SLC16A10: variants seen among roughly 807,000 people sequenced by gnomAD.
SLC16A10 encodes monocarboxylate transporter 10.
In SLC16A10, 27 loss-of-function variants were observed where a neutral mutation model predicts 40.0. That is an observed-to-expected ratio of 0.67 (90% confidence interval 0.50 to 0.93). The LOEUF is 0.93. SLC16A10 is among the 40% of genes least tolerant of loss of function. The pLI is 0.00. For missense variants in SLC16A10, 529 were observed against 658.2 expected, an observed-to-expected ratio of 0.80 and a Z score of 2.15; for synonymous variants, 213 against 249.8, an observed-to-expected ratio of 0.85 and a Z score of 1.39.
rs1373725178 is a variant in SLC16A10 at position 111,157,465 on chromosome 6, A to G, written c.344-15230A>G. 3.6e-4 allele frequency among the ~76,000 whole-genome samples: 54 copies of G among 151,890 alleles called. 1 individual carries two copies. Among genetic ancestry groups the G allele is most frequent in the Admixed American group, 3.5e-3 (54 of 15,224 alleles). Reference sequence around the variant, plus strand: ...CGCCCAGCTAATTTTTTGTATTTTTAGTAGAGATGGGTTTCATTATGTTGG... The same window carrying G: ...CGCCCAGCTAATTTTTTGTATTTTTGGTAGAGATGGGTTTCATTATGTTGG... On this transcript the variant is annotated intron_variant, in intron 1 of 5. Coordinates refer to ENST00000368851, the MANE Select transcript of SLC16A10 (RefSeq NM_018593.5).
intron 1 of SLC16A10, among the ~76,000 whole-genome samples, chr6:111,147,372 C>T (rs1297353523): frequency 6.6e-6 from 1 of 152,146 alleles, no homozygotes; most frequent in Non-Finnish European, 1.5e-5. Context: ...TTCTAGCATT[C>T]AGTGTTTATT....
chr6:111,199,065 C>T (rs959410054), intron 3 of SLC16A10, among the ~76,000 whole-genome samples: 7 of 152,198 alleles, frequency 4.6e-5, no homozygotes, highest in Admixed American at 2.6e-4. Context: ...AGCATAGACA[C>T]GGTCTGTTGT....
intron 1 of SLC16A10, among the ~76,000 whole-genome samples, chr6:111,113,890 G>A (rs1771437152): frequency 6.6e-6 from 1 of 152,120 alleles, no homozygotes; most frequent in Admixed American, 6.5e-5. Flanking sequence ...CCGGGTCTGA[G>A]GTCTCAGTGC....
At position 111,105,018 on chromosome 6, in the gene SLC16A10, A is replaced by G. The variant is rs575662200; in HGVS notation, c.343+16923A>G. 3.6e-4 allele frequency among the ~76,000 whole-genome samples: 54 copies of G among 152,036 alleles called. 1 individual carries two copies. The highest frequency in any genetic ancestry group is 6.9e-3 in the Middle Eastern group (2 of 290). Reference sequence around the variant, plus strand: ...TATTTTTACTATCCCTGTCTTAGGTATTTCCAAAACTTCGTCTTAAGACTT... The same window carrying G: ...TATTTTTACTATCCCTGTCTTAGGTGTTTCCAAAACTTCGTCTTAAGACTT... On this transcript the variant is annotated intron_variant, in intron 1 of 5. Coordinates refer to ENST00000368851, the MANE Select transcript of SLC16A10 (RefSeq NM_018593.5).
intron 1 of SLC16A10, among the ~76,000 whole-genome samples, chr6:111,167,574 C>T (rs912775321): frequency 4.6e-5 from 7 of 151,896 alleles, no homozygotes; most frequent in Admixed American, 3.9e-4. Context: ...TTAGGAAGTC[C>T]TCTGTGGGTG....
At chr6:111,135,515 C>T (rs192732443) in intron 1 of SLC16A10, among the ~76,000 whole-genome samples, 129 of 152,268 alleles carry the variant, frequency 8.5e-4, no homozygotes, top group African/African-American at 2.9e-3. Flanking sequence ...CCTTATATTC[C>T]GCTTTCCCAA....
At chr6:111,199,267 C>T (rs1205580088) in intron 3 of SLC16A10, among the ~76,000 whole-genome samples, 4 of 152,078 alleles carry the variant, frequency 2.6e-5, no homozygotes, top group Admixed American at 2.0e-4. Flanking sequence ...TGAGACCAGC[C>T]TGGGCAACAT....
chr6:111,202,566 T>G (rs1371831205), intron 3 of SLC16A10, among the ~76,000 whole-genome samples: 2 of 151,770 alleles, frequency 1.3e-5, no homozygotes, highest in Admixed American at 1.3e-4. Flanking sequence ...CAACCCAGGA[T>G]TAAACAGATG....
chr6:111,216,367 G>C (rs940549314), intron 4 of SLC16A10, among the ~76,000 whole-genome samples: 11 of 152,056 alleles, frequency 7.2e-5, no homozygotes, highest in African/African-American at 2.4e-4. Flanking sequence ...AGTGTGAAGT[G>C]CTAGGCTTAT....
intron 1 of SLC16A10, among the ~76,000 whole-genome samples, chr6:111,166,177 A>T (rs1484284904): frequency 6.6e-6 from 1 of 152,050 alleles, no homozygotes; most frequent in Admixed American, 6.6e-5. Flanking sequence ...CTACAGAAGA[A>T]TAAACAGTGA....
intron 1 of SLC16A10, among the ~76,000 whole-genome samples, chr6:111,129,177 G>T (rs1771738088): frequency 6.6e-6 from 1 of 152,230 alleles, no homozygotes; most frequent in Non-Finnish European, 1.5e-5. Context: ...GGCAGCCCAT[G>T]TCAGTTTTGG....
At chr6:111,139,092 C>CTTCTTCTTT (rs202229156) in intron 1 of SLC16A10, among the ~76,000 whole-genome samples, 1 of 118,896 alleles carries the variant, frequency 8.4e-6, no homozygotes, top group Admixed American at 9.6e-5. Flanking sequence ...TCTTCTTCTT[C>CTTCTTCTTT]TTTTTTTTTT....
chr6:111,163,346 G>A (rs1415495257), intron 1 of SLC16A10, among the ~76,000 whole-genome samples: 1 of 151,216 alleles, frequency 6.6e-6, no homozygotes, highest in African/African-American at 2.4e-5. Context: ...TAGAGACGGG[G>A]TTTCACCGTT....
chr6:111,144,962 G>A (rs1772050268), intron 1 of SLC16A10, among the ~76,000 whole-genome samples: 1 of 152,042 alleles, frequency 6.6e-6, no homozygotes. Context: ...TAAGTAGCTG[G>A]TACCACACAG....
rs948275471 is a variant in SLC16A10, at chr6:111,104,897, T to TAA, written c.343+16815_343+16816dup. ...TGCTGCCACCTCTTAGCTTTGGTCT[T>TAA]AAAAAAAAAAAAAAGTAATAGAACT... is the stretch of plus-strand genomic sequence containing the variant. On this transcript the variant is annotated intron_variant, in intron 1 of 5. Transcript: ENST00000368851. 3.1e-3 allele frequency among the ~76,000 whole-genome samples: 441 copies of TAA among 142,872 alleles called. 4 individuals are homozygous for TAA. Among genetic ancestry groups the TAA allele is most frequent in the African/African-American group, 0.011 (418 of 39,040 alleles). 93.7% of individuals were successfully genotyped at this position (142,872 alleles called of 152,430 possible).
intron 1 of SLC16A10, among the ~76,000 whole-genome samples, chr6:111,092,082 G>T (rs1161572782): frequency 1.3e-5 from 2 of 152,078 alleles, no homozygotes; most frequent in African/African-American, 4.8e-5. Flanking sequence ...GGTGGGGAAG[G>T]CATTTGACGC....
intron 1 of SLC16A10, among the ~76,000 whole-genome samples, chr6:111,142,039 A>ATCATTTTCTTCAATATCAAATCAAC (rs1771992713): frequency 6.6e-6 from 1 of 152,160 alleles, no homozygotes; most frequent in Non-Finnish European, 1.5e-5. Context: ...CTTCTTCAAT[A>ATCATTTTCTTCAATATCAAATCAAC]TCATTTTCTT....
rs1203153678 is a variant in SLC16A10 at position 111,222,442 on chromosome 6, C to T, written c.*207C>T. 2.2e-6 allele frequency: 1 copy of T among 459,426 alleles called. No individual in the cohort carries two copies. Among genetic ancestry groups the T allele is most frequent in the African/African-American group, 3.9e-5 (1 of 25,494 alleles). The allele number at this position is 459,426 out of a possible 1,614,324, so 28.5% of individuals were successfully genotyped here. On this transcript the variant is annotated 3_prime_UTR_variant, in exon 6 of 6. Transcript: ENST00000368851. ...TTCCATGAGTCTGAGGGCAGAGACT[C>T]TGGTATATGAAAACGTCTGAAAGTC...
At chr6:111,172,602 A>C in intron 1 of SLC16A10, 93 bp from the exon 2 acceptor site, 7 of 1,450,918 alleles carry the variant, frequency 4.8e-6, no homozygotes, top group Non-Finnish European at 6.4e-6. Context: ...AACTAAAAAT[A>C]AAATTTTTCT....
Sources: gnomAD v4.1 joint callset for allele counts (sites outside exome capture counted in the v4.1 genomes callset) on GRCh38, gnomAD v4.1.1 for gene constraint, MANE v1.5 for transcripts, NCBI Gene and HGNC (gene_info 2026-07-23, HGNC 2026-07-21) for gene names.